PCM1: variants seen among roughly 807,000 people sequenced by gnomAD.
PCM1 encodes pericentriolar material 1 protein.
PCM1 carries 157 observed loss-of-function variants against 241.9 expected under a neutral mutation model. That is an observed-to-expected ratio of 0.65 (90% CI 0.57 to 0.74). PCM1 has a LOEUF of 0.74. Among genes scored for constraint, PCM1 ranks in the 30% least tolerant of loss-of-function variants. PCM1 has a pLI of 0.00. For missense variants in PCM1, 3,478 were observed against 2,360.1 expected, an observed-to-expected ratio of 1.47 and a Z score of -9.81; for synonymous variants, 1,085 against 784.9, an observed-to-expected ratio of 1.38 and a Z score of -6.39.
chr8:17,926,604 A>T (rs1388031369), intron 2 of PCM1: 1 of 152,214 alleles, frequency 6.6e-6, no homozygotes, highest in African/African-American at 2.4e-5. Flanking sequence ...AGCAGAGAAA[A>T]CAGACAGTGG....
intron 4 of PCM1, among the ~76,000 whole-genome samples, chr8:17,938,486 C>A (rs1227851446): frequency 1.3e-5 from 2 of 152,156 alleles, no homozygotes; most frequent in Non-Finnish European, 2.9e-5. Context: ...AGCTGTACTT[C>A]ATTTAGACTT....
chr8:17,965,276 T>G (rs1199723774), intron 18 of PCM1, among the ~76,000 whole-genome samples: 1 of 152,168 alleles, frequency 6.6e-6, no homozygotes, highest in African/African-American at 2.4e-5. Flanking sequence ...TACGGTTTTT[T>G]AGGAGATTTC....
chr8:17,936,533 T>C lies in PCM1; in HGVS notation c.97-601T>C, dbSNP rs551905283. Among the ~76,000 whole-genome samples, 6 of 152,324 alleles carry C rather than the reference T, an allele frequency of 3.9e-5. 1 individual carries two copies. The highest frequency in any genetic ancestry group is 3.9e-4 in the Admixed American group (6 of 15,300). ...TGTAATTCCATATTAGCTGTTACCATGTACATTTTTACCTATAAAAATAAT... is the reference window on the plus strand; with the variant it reads ...TGTAATTCCATATTAGCTGTTACCACGTACATTTTTACCTATAAAAATAAT... On this transcript the variant is annotated intron_variant, in intron 3 of 38. Coordinates refer to ENST00000325083, the MANE Select transcript of PCM1 (RefSeq NM_006197.4).
chr8:18,010,724 C>T lies in PCM1; in HGVS notation c.5220+56C>T, dbSNP rs188025505. On this transcript the variant is annotated intron_variant, in intron 32 of 38. Coordinates refer to ENST00000325083, the MANE Select transcript of PCM1 (RefSeq NM_006197.4). Reference sequence around the variant, plus strand: ...ATGGCTGGGCGCGGTGGCTCACCCCCGTAATCGCAGCCCTTTGGGAGGCCA... The same window carrying T: ...ATGGCTGGGCGCGGTGGCTCACCCCTGTAATCGCAGCCCTTTGGGAGGCCA... 209 of 1,299,544 alleles carry T rather than the reference C, an allele frequency of 1.6e-4. No individual in the cohort carries two copies. In the Admixed American group the frequency reaches 2.3e-3, roughly 14 times the overall value. 80.5% of individuals were successfully genotyped at this position (1,299,544 alleles called of 1,614,324 possible).
chr8:18,006,210 T>C, intron 29 of PCM1, 53 bp from the exon 30 acceptor site: 1 of 1,420,132 alleles, frequency 7.0e-7, no homozygotes, highest in Non-Finnish European at 9.5e-7. Flanking sequence ...ATTGATTTTC[T>C]TTTTTTAAAC....
chr8:18,016,589 GCCTTGCTAAAAGATT>G (rs1380851637), intron 36 of PCM1, among the ~76,000 whole-genome samples: 1 of 152,166 alleles, frequency 6.6e-6, no homozygotes, highest in Non-Finnish European at 1.5e-5. Context: ...TTCCAAAATT[GCCTTGCTAAAAGATT>G]CCTTGCTAAA....
At chr8:17,960,275 T>G in intron 14 of PCM1, 40 bp from the exon 15 acceptor site, 2 of 1,583,992 alleles carry the variant, frequency 1.3e-6, no homozygotes, top group South Asian at 2.3e-5. Context: ...TTCATCACAT[T>G]TTATTGGAGT....
intron 30 of PCM1, among the ~76,000 whole-genome samples, chr8:18,007,381 CG>C (rs1294033900): frequency 6.6e-6 from 1 of 152,102 alleles, no homozygotes; most frequent in Admixed American, 6.6e-5. Flanking sequence ...GTCCTGGCCC[CG>C]TTAGCAGTTA....
rs551489897 is a variant in PCM1, at chr8:17,935,704, A to T, written c.94A>T (p.Met32Leu). 7.6e-7 allele frequency: 1 copy of T among 1,322,378 alleles called. No individual in the cohort carries two copies. Among genetic ancestry groups the T allele is most frequent in the Admixed American group, 1.7e-5 (1 of 59,420 alleles). 81.9% of individuals were successfully genotyped at this position (1,322,378 alleles called of 1,614,324 possible). A position where few individuals can be genotyped will look rare whatever the true frequency, so the allele number is the denominator to read the frequency against. Residue 32 changes from methionine to leucine, a missense_variant and splice_region_variant, in exon 3 of 39, where the codon ATG becomes TTG. By Grantham distance (15) the Met-to-Leu change is conservative. Transcript: ENST00000325083. ...GAATGTTGATGACAGGCTCAACAAT[A>T]TGGTATGATTCCTTACTCTTCATGG... ...NENVDDRLNN[M>L]DWGAQQKKAN...
At chr8:18,014,095 T>C in intron 35 of PCM1, 59 bp downstream of exon 35, 2 of 615,104 alleles carry the variant, frequency 3.3e-6, no homozygotes, top group Non-Finnish European at 2.6e-6. Context: ...GCTTTAAAGC[T>C]AAAAAAAAAA....
Position 18,025,336 on chromosome 8 carries a change from A to T in PCM1, c.5842-25A>T, listed in dbSNP as rs59431039. On this transcript the variant is annotated intron_variant, in intron 36 of 38. Transcript: ENST00000325083. ...TGACTGGTTTGGATCTAGAGTATGT[A>T]TTTTTTTTTTTCATTACATTACAGG... 2.9e-4 allele frequency: 283 copies of T among 961,378 alleles called. 1 individual carries two copies. In the East Asian group the frequency reaches 8.3e-3, roughly 28 times the overall value. 59.6% of individuals were successfully genotyped at this position (961,378 alleles called of 1,614,324 possible). A position where few individuals can be genotyped will look rare whatever the true frequency, so the allele number is the denominator to read the frequency against.
intron 6 of PCM1, among the ~76,000 whole-genome samples, chr8:17,942,528 A>G (rs1023354076): frequency 1.3e-5 from 2 of 152,058 alleles, no homozygotes; most frequent in South Asian, 4.1e-4. Flanking sequence ...TTATATTTTT[A>G]TTTTTGGAAA....
At chr8:17,982,788 C>T (rs935369420) in intron 24 of PCM1, among the ~76,000 whole-genome samples, 1 of 152,168 alleles carries the variant, frequency 6.6e-6, no homozygotes, top group African/African-American at 2.4e-5. Context: ...GCCACCATGC[C>T]CAGCCCTGAA....
chr8:17,996,807 T>G (rs1459311767), intron 29 of PCM1, among the ~76,000 whole-genome samples: 1 of 152,186 alleles, frequency 6.6e-6, no homozygotes, highest in African/African-American at 2.4e-5. Flanking sequence ...CTTATGCAAA[T>G]GTTAACTTTG....
Position 17,944,041 on chromosome 8 carries a change from G to A in PCM1, c.784-3145G>A, listed in dbSNP as rs902651200. On this transcript the variant is annotated intron_variant, in intron 6 of 38. Coordinates refer to ENST00000325083, the MANE Select transcript of PCM1 (RefSeq NM_006197.4). Reference sequence around the variant, plus strand: ...AAGAAGGCAAAAGAAAGCCTTCTACGAGTAGCCATGCGTTCATTGTTTTCC... The same window carrying A: ...AAGAAGGCAAAAGAAAGCCTTCTACAAGTAGCCATGCGTTCATTGTTTTCC... Among the ~76,000 whole-genome samples, 15 of 152,248 alleles carry A rather than the reference G, an allele frequency of 9.9e-5. No individual in the cohort carries two copies. The East Asian group carries it at 2.1e-3, about 22-fold the overall frequency.
chr8:17,923,451 C>T (rs548947303), intron 1 of PCM1, among the ~76,000 whole-genome samples: 10 of 152,342 alleles, frequency 6.6e-5, no homozygotes, highest in South Asian at 4.1e-4. Context: ...TGCCTCCTCG[C>T]CCCTCCTGCT....
Position 17,966,117 on chromosome 8 carries a change from T to C in PCM1, c.2974T>C (p.Tyr992His), listed in dbSNP as rs775630197. ...CCTTCGTTGGGTGTCAGAGCTCTCT[T>C]ACGTAGAAGAGAAAGAACAATGGCA... ...ENLRWVSELSYVEEKEQWQEQ... is the reference protein window; with the variant it reads ...ENLRWVSELSHVEEKEQWQEQ... The change falls in exon 19 of 39, where the codon TAC becomes CAC. Residue 992 changes from tyrosine to histidine, a missense_variant. Transcript: ENST00000325083. 4 of 1,613,878 alleles carry C rather than the reference T, an allele frequency of 2.5e-6. No homozygotes were observed. The Admixed American group carries it at 6.7e-5, about 27-fold the overall frequency.
chr8:17,971,239 T>G (rs1162525500), intron 22 of PCM1, among the ~76,000 whole-genome samples: 1 of 152,244 alleles, frequency 6.6e-6, no homozygotes, highest in East Asian at 1.9e-4. Flanking sequence ...GAATTTGGTC[T>G]GTAAGTTACA....
intron 2 of PCM1, chr8:17,926,675 C>T (rs1235407399): frequency 6.6e-6 from 1 of 152,132 alleles, no homozygotes; most frequent in Non-Finnish European, 1.5e-5. Context: ...AGGATGCTAG[C>T]TAGCAAGGCA....
Sources: gnomAD v4.1 joint callset for allele counts (sites outside exome capture counted in the v4.1 genomes callset) on GRCh38, gnomAD v4.1.1 for gene constraint, MANE v1.5 for transcripts, NCBI Gene and HGNC (gene_info 2026-07-23, HGNC 2026-07-21) for gene names.